The following GALNTL6 variants were observed in gnomAD, a reference collection of about 807,000 sequenced individuals.
The protein encoded by GALNTL6 is polypeptide N-acetylgalactosaminyltransferase like 6.
In GALNTL6, 46 loss-of-function variants were observed where a neutral mutation model predicts 73.7. The observed-to-expected ratio is 0.62, with a 90% CI of 0.49 to 0.80. The LOEUF is 0.80. Among genes scored for constraint, GALNTL6 ranks in the 30% least tolerant of loss-of-function variants. The pLI is 0.00. For missense variants in GALNTL6, 604 were observed against 755.0 expected (o/e 0.80, Z 2.34); for synonymous variants, 259 against 263.7 (o/e 0.98, Z 0.17).
intron 5 of GALNTL6, among the ~76,000 whole-genome samples, chr4:172,431,742 G>C (rs1450385979): frequency 6.6e-6 from 1 of 151,970 alleles, no homozygotes; most frequent in Non-Finnish European, 1.5e-5. Flanking sequence ...ATAAATAACT[G>C]ATTAGTGTTT....
At chr4:172,255,017 C>G (rs1040444651) in intron 3 of GALNTL6, among the ~76,000 whole-genome samples, 1 of 151,550 alleles carries the variant, frequency 6.6e-6, no homozygotes, top group African/African-American at 2.4e-5. Flanking sequence ...TGAATTTGTT[C>G]ATATAAGACA....
intron 7 of GALNTL6, among the ~76,000 whole-genome samples, chr4:172,826,685 G>A (rs1044679206): frequency 1.4e-4 from 21 of 152,212 alleles, no homozygotes; most frequent in African/African-American, 4.6e-4. Flanking sequence ...TACCCATCCC[G>A]TAGGGAGAGG....
chr4:172,494,776 C>G (rs188839260), intron 5 of GALNTL6, among the ~76,000 whole-genome samples: 14 of 152,300 alleles, frequency 9.2e-5, no homozygotes, highest in African/African-American at 3.1e-4. Context: ...TCAGAAGACT[C>G]AGCAAGTCCA....
intron 5 of GALNTL6, among the ~76,000 whole-genome samples, chr4:172,415,950 G>C (rs1371046418): frequency 6.6e-6 from 1 of 152,110 alleles, no homozygotes; most frequent in African/African-American, 2.4e-5. Context: ...GTAGCACCAG[G>C]CTGTCTGACT....
At chr4:172,206,781 T>G (rs1736126589) in intron 2 of GALNTL6, among the ~76,000 whole-genome samples, 1 of 113,096 alleles carries the variant, frequency 8.8e-6, no homozygotes, top group Non-Finnish European at 1.8e-5. Flanking sequence ...ACGTGTTTTT[T>G]GTTTTGTTTT....
intron 4 of GALNTL6, among the ~76,000 whole-genome samples, chr4:172,318,651 A>G (rs999489601): frequency 3.3e-5 from 5 of 152,088 alleles, no homozygotes; most frequent in Non-Finnish European, 7.4e-5. Flanking sequence ...GCAGTGAGCC[A>G]AGATCGCACC....
chr4:171,956,762 T>C (rs1739061559), intron 2 of GALNTL6, among the ~76,000 whole-genome samples: 1 of 152,214 alleles, frequency 6.6e-6, no homozygotes. Context: ...TTAGACCCTT[T>C]GCTTTTTTCA....
intron 7 of GALNTL6, among the ~76,000 whole-genome samples, chr4:172,821,818 C>G (rs1741945295): frequency 6.6e-6 from 1 of 152,182 alleles, no homozygotes; most frequent in African/African-American, 2.4e-5. Flanking sequence ...TAAACACTCA[C>G]TGAAGATTTT....
intron 4 of GALNTL6, among the ~76,000 whole-genome samples, chr4:172,346,299 C>T (rs1301583067): frequency 2.6e-5 from 4 of 152,214 alleles, no homozygotes; most frequent in African/African-American, 4.8e-5. Flanking sequence ...CTCAACAGTA[C>T]ATGGTCAAAA....
Position 171,966,981 on chromosome 4 carries a change from C to T in GALNTL6, c.138+152263C>T, listed in dbSNP as rs547039936. ...AAACAATAGCCTAATATAAGATACT[C>T]CAAATAGCTCTAAGGAAATAGACAT... On this transcript the variant is annotated intron_variant, in intron 2 of 12. Coordinates refer to ENST00000506823, the MANE Select transcript of GALNTL6 (RefSeq NM_001034845.3). 3.1e-3 allele frequency among the ~76,000 whole-genome samples: 469 copies of T among 152,096 alleles called. 4 individuals carry two copies. The highest frequency in any genetic ancestry group is 5.2e-3 in the Non-Finnish European group (351 of 67,994).
At chr4:172,300,789 C>T (rs976161049) in intron 3 of GALNTL6, among the ~76,000 whole-genome samples, 1 of 152,160 alleles carries the variant, frequency 6.6e-6, no homozygotes, top group African/African-American at 2.4e-5. Flanking sequence ...TTCTCTGTGG[C>T]TGCCCTTAAC....
chr4:171,998,453 T>C (rs1740564098), intron 2 of GALNTL6, among the ~76,000 whole-genome samples: 1 of 152,116 alleles, frequency 6.6e-6, no homozygotes, highest in Admixed American at 6.6e-5. Flanking sequence ...AAACACCTGT[T>C]AGACTGGGTT....
chr4:172,942,439 T>C (rs1748959598), intron 9 of GALNTL6, among the ~76,000 whole-genome samples: 2 of 152,182 alleles, frequency 1.3e-5, no homozygotes, highest in African/African-American at 4.8e-5. Context: ...AAAATGCTGG[T>C]TGTGATTTTT....
intron 5 of GALNTL6, among the ~76,000 whole-genome samples, chr4:172,624,363 G>A (rs1458849000): frequency 6.6e-6 from 1 of 151,626 alleles, no homozygotes; most frequent in Non-Finnish European, 1.5e-5. Context: ...ACAATTGTGT[G>A]GTTTTTGGTT....
intron 5 of GALNTL6, among the ~76,000 whole-genome samples, chr4:172,573,748 A>C (rs183306320): frequency 1.3e-5 from 2 of 152,330 alleles, no homozygotes; most frequent in East Asian, 3.9e-4. Flanking sequence ...GACCAGGGCT[A>C]TATCTATACA....
intron 5 of GALNTL6, among the ~76,000 whole-genome samples, chr4:172,638,222 C>T (rs775953383): frequency 1.2e-4 from 19 of 152,096 alleles, no homozygotes; most frequent in Non-Finnish European, 1.0e-4. Context: ...ATACCTATGG[C>T]CTCTCTCCAT....
intron 5 of GALNTL6, among the ~76,000 whole-genome samples, chr4:172,625,447 A>C (rs1579256200): frequency 6.6e-6 from 1 of 151,828 alleles, no homozygotes; most frequent in Admixed American, 6.6e-5. Context: ...CGTTGATTCT[A>C]CGTGTCTTTG....
chr4:172,231,069 G>A (rs568279129), intron 3 of GALNTL6, among the ~76,000 whole-genome samples: 3 of 152,016 alleles, frequency 2.0e-5, no homozygotes, highest in Non-Finnish European at 4.4e-5. Context: ...TTTTCAGAGC[G>A]TCAACTTCTT....
chr4:172,843,256 A>G (rs1313959354), intron 7 of GALNTL6, among the ~76,000 whole-genome samples: 1 of 152,192 alleles, frequency 6.6e-6, no homozygotes, highest in Non-Finnish European at 1.5e-5. Flanking sequence ...TGTCTGCCCT[A>G]TCTTACCTCC....
Sources: allele counts gnomAD v4.1 joint callset (sites outside exome capture counted in the v4.1 genomes callset), GRCh38; gene constraint gnomAD v4.1.1; transcripts MANE v1.5; gene names NCBI Gene and HGNC (gene_info 2026-07-23, HGNC 2026-07-21).